UGT1A1: variants seen among roughly 807,000 people sequenced by gnomAD.
The protein encoded by UGT1A1 is UDP-glucuronosyltransferase 1A1.
In UGT1A1, 33 loss-of-function variants were observed where a neutral mutation model predicts 40.6. The ratio of observed to expected loss-of-function variants is 0.81; its 90% CI spans 0.62 to 1.09. UGT1A1 has a LOEUF of 1.09. UGT1A1 is among the 50% of genes least tolerant of loss of function. The pLI, the probability that UGT1A1 is intolerant of heterozygous loss-of-function variation, is 0.00. For missense variants in UGT1A1, 694 were observed against 671.2 expected, an observed-to-expected ratio of 1.03 and a Z score of -0.38; for synonymous variants, 249 against 265.0, an observed-to-expected ratio of 0.94 and a Z score of 0.59.
At position 233,769,640 on chromosome 2, in the gene UGT1A1, T is replaced by G; in HGVS notation, c.1304+1201T>G. ...TGAGCAAGGGACAACAGGGGAGGACTGATGACTGACTTCCCACCTTTGAGG... is the reference window on the plus strand; with the variant it reads ...TGAGCAAGGGACAACAGGGGAGGACGGATGACTGACTTCCCACCTTTGAGG... On this transcript the variant is annotated intron_variant, in intron 4 of 4. Coordinates refer to ENST00000305208, the MANE Select transcript of UGT1A1 (RefSeq NM_000463.3). This position sits in a 1 kb window ranked among gnomAD's most constrained non-coding sequence, Gnocchi z 4.4. The G allele has an allele frequency of 6.2e-7, 1 of 1,609,904 alleles. No individual in the cohort carries two copies. Among genetic ancestry groups the G allele is most frequent in the Non-Finnish European group, 8.5e-7 (1 of 1,178,488 alleles).
chr2:233,760,579 A>T lies in UGT1A1; in HGVS notation c.292A>T (p.Asn98Tyr). 1.2e-6 allele frequency: 2 copies of T among 1,614,220 alleles called. No homozygotes were observed. Among genetic ancestry groups the T allele is most frequent in the Non-Finnish European group, 1.7e-6 (2 of 1,180,050 alleles). Residue 98 changes from asparagine (N) to tyrosine (Y), a missense_variant, in exon 1 of 5, where the codon AAT becomes TAT. Asn to Tyr is a moderately radical substitution (Grantham distance 143). Transcript: ENST00000305208. The part of the protein sequence containing the change: ...VKESFVSLGH[N>Y]VFENDSFLQR... ...AGAGTCTTTTGTTAGTCTCGGGCATAATGTTTTTGAGAATGATTCTTTCCT... is the reference window on the plus strand; with the variant it reads ...AGAGTCTTTTGTTAGTCTCGGGCATTATGTTTTTGAGAATGATTCTTTCCT...
chr2:233,760,883 C>G lies in UGT1A1; in HGVS notation c.596C>G (p.Ser199Cys), dbSNP rs550460320. The change falls in exon 1 of 5, where the codon TCT becomes TGT. Residue 199 changes from serine (S) to cysteine (C), a missense_variant. Coordinates refer to ENST00000305208, the MANE Select transcript of UGT1A1 (RefSeq NM_000463.3). ...TCCTACGTGCCCAGGCCTCTCTCCT[C>G]TCATTCAGATCACATGACCTTCCTG... The part of the protein sequence containing the change: ...PFSYVPRPLS[S>C]HSDHMTFLQR... 4 of 1,614,168 alleles carry G rather than the reference C, an allele frequency of 2.5e-6. No individual in the cohort carries two copies. The East Asian group carries it at 6.7e-5, about 27-fold the overall frequency.
intron 4 of UGT1A1, 140 bp downstream of exon 4, chr2:233,768,579 C>CT: frequency 4.3e-6 from 4 of 934,844 alleles, no homozygotes; most frequent in Admixed American, 8.5e-5. Context: ...ATTTTTATTT[C>CT]TTCTTTTTTT....
chr2:233,765,074 T>C (rs1191317330), intron 1 of UGT1A1, among the ~76,000 whole-genome samples: 1 of 152,100 alleles, frequency 6.6e-6, no homozygotes, highest in African/African-American at 2.4e-5. Context: ...GTCTCCTGTG[T>C]CTCACATCTA....
At chr2:233,767,192 A>C (rs752013731) in intron 2 of UGT1A1, 27 bp downstream of exon 2, 1 of 1,613,796 alleles carries the variant, frequency 6.2e-7, no homozygotes, top group African/African-American at 1.3e-5. Context: ...CCATGGCCTC[A>C]TATCTATTTT....
At chr2:233,761,970 T>C (rs1029002470) in intron 1 of UGT1A1, among the ~76,000 whole-genome samples, 6 of 152,224 alleles carry the variant, frequency 3.9e-5, no homozygotes, top group Non-Finnish European at 8.8e-5. Context: ...GGGACTGATA[T>C]CACCTTCGGA....
Position 233,761,011 on chromosome 2 carries a change from G to A in UGT1A1, c.724G>A (p.Val242Met). Reference protein sequence around the residue: ...TLASEFLQREVTVQDLLSSAS... With the variant: ...TLASEFLQREMTVQDLLSSAS... ...TGCCTCAGAATTCCTTCAGAGAGAGGTGACTGTCCAGGACCTATTGAGCTC... is the reference window on the plus strand; with the variant it reads ...TGCCTCAGAATTCCTTCAGAGAGAGATGACTGTCCAGGACCTATTGAGCTC... Residue 242 changes from valine to methionine, a missense_variant, in exon 1 of 5, where the codon GTG becomes ATG. Physicochemically the swap from Val to Met is conservative, Grantham distance 21. Coordinates refer to ENST00000305208, the MANE Select transcript of UGT1A1 (RefSeq NM_000463.3). The A allele has an allele frequency of 6.2e-7, 1 of 1,614,156 alleles. No individual in the cohort carries two copies. The highest frequency in any genetic ancestry group is 8.5e-7 in the Non-Finnish European group (1 of 1,180,030).
intron 1 of UGT1A1, 46 bp downstream of exon 1, chr2:233,761,197 G>A (rs369591851): frequency 3.7e-6 from 6 of 1,613,996 alleles, no homozygotes; most frequent in Non-Finnish European, 5.1e-6. Flanking sequence ...TCTTTCAGAT[G>A]TATTACTTTG....
rs1248862284 is a variant in UGT1A1, at chr2:233,768,128, C to G, written c.1085-92C>G. On this transcript the variant is annotated intron_variant, in intron 3 of 4. Transcript: ENST00000305208. ...TTTCTGCAAGGGCATGTGAGTAACA[C>G]TGAGTCTTTGGAGTGTTTTCAGAAC... 5 of 1,605,354 alleles carry G rather than the reference C, an allele frequency of 3.1e-6. No homozygotes were observed. In the East Asian group the frequency reaches 1.1e-4, roughly 36 times the overall value.
At position 233,773,153 on chromosome 2, in the gene UGT1A1, T is replaced by C. The variant is rs2126068054; in HGVS notation, c.*594T>C. 6.5e-6 allele frequency: 1 copy of C among 154,246 alleles called. No individual in the cohort carries two copies. The highest frequency in any genetic ancestry group is 3.4e-3 in the Middle Eastern group (1 of 294). 9.6% of individuals were successfully genotyped at this position (154,246 alleles called of 1,614,324 possible). A position where few individuals can be genotyped will look rare whatever the true frequency, so the allele number is the denominator to read the frequency against. On this transcript the variant is annotated 3_prime_UTR_variant, in exon 5 of 5. Coordinates refer to ENST00000305208, the MANE Select transcript of UGT1A1 (RefSeq NM_000463.3). ...ATGATGCTATGAAATTGGTGGGTGG[T>C]GTATTTGAGAAGATAATCATTGCTT...
At position 233,760,873 on chromosome 2, in the gene UGT1A1, C is replaced by G; in HGVS notation, c.586C>G (p.Pro196Ala). Reference protein sequence around the residue: ...CPNPFSYVPRPLSSHSDHMTF... With the variant: ...CPNPFSYVPRALSSHSDHMTF... Reference sequence around the variant, plus strand: ...CAACCCATTCTCCTACGTGCCCAGGCCTCTCTCCTCTCATTCAGATCACAT... The same window carrying G: ...CAACCCATTCTCCTACGTGCCCAGGGCTCTCTCCTCTCATTCAGATCACAT... The change falls in exon 1 of 5, where the codon CCT (proline) becomes GCT (alanine). Residue 196 changes from proline to alanine, a missense_variant. Pro to Ala is a conservative substitution (Grantham distance 27). Transcript: ENST00000305208. 1 of 1,614,194 alleles carries G rather than the reference C, an allele frequency of 6.2e-7. No individual in the cohort carries two copies. The highest frequency in any genetic ancestry group is 1.1e-5 in the South Asian group (1 of 91,082).
At chr2:233,761,302 C>T (rs1697737544) in intron 1 of UGT1A1, 151 bp downstream of exon 1, 1 of 1,473,836 alleles carries the variant, frequency 6.8e-7, no homozygotes, top group Non-Finnish European at 9.2e-7. Context: ...AGGTTTGAGT[C>T]TGTCTTTGGC....
chr2:233,761,836 A>C (rs1697880138), intron 1 of UGT1A1, among the ~76,000 whole-genome samples: 1 of 152,212 alleles, frequency 6.6e-6, no homozygotes, highest in African/African-American at 2.4e-5. Flanking sequence ...ATGGAGCGTT[A>C]GGGAATTACT....
intron 1 of UGT1A1, 29 bp from the exon 2 acceptor site, chr2:233,767,005 T>C: frequency 6.2e-7 from 1 of 1,613,726 alleles, no homozygotes; most frequent in African/African-American, 1.3e-5. Flanking sequence ...TGAGAAAAAA[T>C]TAACTGAAAA....
In UGT1A1 at chr2:233,772,791, C is replaced by A; in HGVS notation, c.*232C>A. On this transcript the variant is annotated 3_prime_UTR_variant, in exon 5 of 5. Coordinates refer to ENST00000305208, the MANE Select transcript of UGT1A1 (RefSeq NM_000463.3). ...CCTCTGGTGTCTTTGATCAGGATGACATGTGCCATTTTTCAGAGGACGTGC... is the reference window on the plus strand; with the variant it reads ...CCTCTGGTGTCTTTGATCAGGATGAAATGTGCCATTTTTCAGAGGACGTGC... The A allele has an allele frequency of 8.2e-7, 1 of 1,224,562 alleles. No individual in the cohort carries two copies. Among genetic ancestry groups the A allele is most frequent in the Non-Finnish European group, 1.1e-6 (1 of 921,630 alleles). 75.9% of individuals were successfully genotyped at this position (1,224,562 alleles called of 1,614,324 possible).
At position 233,760,684 on chromosome 2, in the gene UGT1A1, A is replaced by G; in HGVS notation, c.397A>G (p.Asn133Asp). Reference sequence around the variant, plus strand: ...GTCTGGCTGTTCCCACTTACTGCACAACAAGGAGCTCATGGCCTCCCTGGC... The same window carrying G: ...GTCTGGCTGTTCCCACTTACTGCACGACAAGGAGCTCATGGCCTCCCTGGC... ...LLSGCSHLLH[N>D]KELMASLAES... Residue 133 changes from asparagine (N) to aspartate (D), a missense_variant, in exon 1 of 5, where the codon AAC (asparagine) becomes GAC (aspartate). Asn to Asp is a conservative substitution (Grantham distance 23). Coordinates refer to ENST00000305208, the MANE Select transcript of UGT1A1 (RefSeq NM_000463.3). The G allele has an allele frequency of 6.2e-7, 1 of 1,614,204 alleles. No homozygotes were observed. Among genetic ancestry groups the G allele is most frequent in the Non-Finnish European group, 8.5e-7 (1 of 1,180,036 alleles).
chr2:233,770,662 A>G (rs1700129154), intron 4 of UGT1A1: 1 of 140,356 alleles, frequency 7.1e-6, no homozygotes, highest in Non-Finnish European at 1.6e-5. Context: ...CGTCTTACTT[A>G]AAAAAAAAAA....
chr2:233,771,657 A>G (rs1277760780), intron 4 of UGT1A1: 1 of 152,474 alleles, frequency 6.6e-6, no homozygotes, highest in Non-Finnish European at 1.5e-5. Flanking sequence ...AATATAATGA[A>G]ATTTCTCACA....
intron 1 of UGT1A1, among the ~76,000 whole-genome samples, chr2:233,765,914 G>T (rs914131735): frequency 6.6e-6 from 1 of 152,098 alleles, no homozygotes; most frequent in Admixed American, 6.5e-5. Flanking sequence ...CTCTAGGGGA[G>T]CATACAGACG....
Sources: gnomAD v4.1 joint callset for allele counts (sites outside exome capture counted in the v4.1 genomes callset) on GRCh38, gnomAD v4.1.1 for gene constraint, Gnocchi (gnomAD v3.1) non-coding constraint, MANE v1.5 for transcripts, NCBI Gene and HGNC (gene_info 2026-07-23, HGNC 2026-07-21) for gene names.